Variants in RHPN2 observed in about 807,000 individuals in gnomAD.
The protein encoded by RHPN2 is rhophilin-2.
RHPN2 carries 40 observed loss-of-function variants against 79.0 expected under a neutral mutation model. The ratio of observed to expected loss-of-function variants is 0.51; its 90% CI spans 0.39 to 0.66. The LOEUF (loss-of-function observed/expected upper bound fraction) is 0.66, where lower values mean the gene tolerates loss of function less well. RHPN2 is among the 30% of genes least tolerant of loss of function. The pLI is 0.00. For missense variants in RHPN2, 686 were observed against 883.5 expected (o/e 0.78, Z 2.83); for synonymous variants, 285 against 363.5 (o/e 0.78, Z 2.46).
intron 10 of RHPN2, among the ~76,000 whole-genome samples, chr19:32,998,466 G>A (rs1285941181): frequency 6.6e-6 from 1 of 151,956 alleles, no homozygotes; most frequent in East Asian, 1.9e-4. Context: ...AACATAGTGA[G>A]ACCGCATCTC....
chr19:33,003,245 C>G (rs1248044945), intron 7 of RHPN2, among the ~76,000 whole-genome samples: 1 of 150,744 alleles, frequency 6.6e-6, no homozygotes, highest in Admixed American at 6.7e-5. Flanking sequence ...ATAGTCTCAG[C>G]TCCTCTGGAG....
In RHPN2 at chr19:32,985,820, C is replaced by A. The variant is rs377004946; in HGVS notation, c.1800+4694G>T. Among the ~76,000 whole-genome samples the A allele has an allele frequency of 8.5e-5, 13 of 152,250 alleles. No individual in the cohort carries two copies. The East Asian group carries it at 2.1e-3, about 25-fold the overall frequency. ...CTAATTTTTGTATTTTTAGTAGAGA[C>A]AGGGTTTTGCCACGGTGGCCAGGAT... On this transcript the variant is annotated intron_variant, in intron 14 of 14. Coordinates refer to ENST00000254260, the MANE Select transcript of RHPN2 (RefSeq NM_033103.5).
At chr19:33,064,169 C>T (rs1457348883) in intron 1 of RHPN2, among the ~76,000 whole-genome samples, 1 of 151,956 alleles carries the variant, frequency 6.6e-6, no homozygotes, top group Non-Finnish European at 1.5e-5. Context: ...CACAGCGATA[C>T]CCCAGTTCTA....
chr19:33,053,759 T>TGGCCAGG (rs1972208906), intron 1 of RHPN2, among the ~76,000 whole-genome samples: 1 of 152,002 alleles, frequency 6.6e-6, no homozygotes, highest in African/African-American at 2.4e-5. Flanking sequence ...GAGACGTGGT[T>TGGCCAGG]TCACCATGTT....
chr19:32,992,904 T>G (rs6510316), intron 12 of RHPN2, among the ~76,000 whole-genome samples: 120,565 of 150,512 alleles, frequency 0.8, 48,863 homozygotes, highest in African/African-American at 0.95. Flanking sequence ...TAGGCAGGAG[T>G]ATGGTTTGAG....
chr19:33,045,411 C>T (rs1328371364), intron 1 of RHPN2, among the ~76,000 whole-genome samples: 1 of 151,730 alleles, frequency 6.6e-6, no homozygotes, highest in African/African-American at 2.4e-5. Context: ...ATACGTTTTG[C>T]CCTTTTAAAA....
intron 2 of RHPN2, among the ~76,000 whole-genome samples, chr19:33,032,108 C>T (rs1972018366): frequency 6.7e-6 from 1 of 148,660 alleles, no homozygotes; most frequent in South Asian, 2.1e-4. Context: ...GCAACCTCCA[C>T]CTCCCAGGTT....
intron 1 of RHPN2, among the ~76,000 whole-genome samples, chr19:33,059,035 C>T (rs1336175188): frequency 6.6e-6 from 1 of 151,790 alleles, no homozygotes; most frequent in African/African-American, 2.4e-5. Flanking sequence ...GTGAAGGTTG[C>T]GGGGAGCTGA....
intron 4 of RHPN2, among the ~76,000 whole-genome samples, chr19:33,013,460 G>A (rs562079401): frequency 6.6e-6 from 1 of 152,254 alleles, no homozygotes; most frequent in African/African-American, 2.4e-5. Flanking sequence ...CTCCCAAAGT[G>A]CTGGGATTAC....
Position 33,026,510 on chromosome 19 carries a change from TTC to T in RHPN2, c.306_307del (p.Asn103HisfsTer36), listed in dbSNP as rs1491520475. The T allele has an allele frequency of 1.3e-6, 2 of 1,586,070 alleles. No homozygotes were observed. The highest frequency in any genetic ancestry group is 1.7e-6 in the Non-Finnish European group (2 of 1,170,282). On this transcript the variant is annotated frameshift_variant, in exon 3 of 15. Transcript: ENST00000254260. LOFTEE classifies it high-confidence loss of function. Reference sequence around the variant, plus strand: ...GTGTGCTGCTCCCACTTACTCTGTGTTCTGATAGACGCCCACCGAGATGTTCA... The same window carrying T: ...GTGTGCTGCTCCCACTTACTCTGTGTTGATAGACGCCCACCGAGATGTTCA...
intron 14 of RHPN2, among the ~76,000 whole-genome samples, chr19:32,982,643 C>G (rs1014851862): frequency 3.3e-5 from 5 of 151,994 alleles, no homozygotes; most frequent in African/African-American, 4.8e-5. Context: ...TTTCCCAACC[C>G]TCAGCTGCTC....
chr19:33,054,295 G>A (rs1972214159), intron 1 of RHPN2, among the ~76,000 whole-genome samples: 4 of 150,838 alleles, frequency 2.7e-5, no homozygotes, highest in African/African-American at 9.8e-5. Flanking sequence ...CCACCTCCGA[G>A]GTTCAAGCGA....
At position 33,062,368 on chromosome 19, in the gene RHPN2, G is replaced by A. The variant is rs559963482; in HGVS notation, c.69+2416C>T. 8.6e-5 allele frequency among the ~76,000 whole-genome samples: 13 copies of A among 152,000 alleles called. 1 individual carries two copies. The East Asian group carries it at 2.5e-3, about 29-fold the overall frequency. On this transcript the variant is annotated intron_variant, in intron 1 of 14. Coordinates refer to ENST00000254260, the MANE Select transcript of RHPN2 (RefSeq NM_033103.5). Reference sequence around the variant, plus strand: ...TCTCAGCTACTGGGAAGGCTGAGGCGGGAGAATCACTTGAAACTGGTAGAT... The same window carrying A: ...TCTCAGCTACTGGGAAGGCTGAGGCAGGAGAATCACTTGAAACTGGTAGAT...
intron 13 of RHPN2, chr19:32,991,354 C>T: frequency 4.6e-6 from 1 of 218,624 alleles, no homozygotes; most frequent in Non-Finnish European, 9.2e-6. Context: ...AGCTACTCAG[C>T]AGCCTGAGGC....
chr19:33,048,716 A>C (rs958733173), intron 1 of RHPN2, among the ~76,000 whole-genome samples: 21 of 129,614 alleles, frequency 1.6e-4, no homozygotes. Context: ...ACACAGCGAG[A>C]CTCAGTCTCA....
chr19:33,002,787 A>G (rs1971760204), intron 8 of RHPN2, 26 bp downstream of exon 8: 2 of 1,603,636 alleles, frequency 1.2e-6, no homozygotes, highest in Non-Finnish European at 1.7e-6. Flanking sequence ...CCACTCCCCA[A>G]AGTCACAGGA....
At position 33,036,870 on chromosome 19, in the gene RHPN2, G is replaced by GCCCCCCCC. The variant is rs199550754; in HGVS notation, c.185+7378_185+7379insGGGGGGGG. 6.2e-4 allele frequency among the ~76,000 whole-genome samples: 87 copies of GCCCCCCCC among 141,264 alleles called. 1 individual carries two copies. Among genetic ancestry groups the GCCCCCCCC allele is most frequent in the African/African-American group, 2.3e-3 (83 of 35,334 alleles). 92.7% of individuals were successfully genotyped at this position (141,264 alleles called of 152,430 possible). A position where few individuals can be genotyped will look rare whatever the true frequency, so the allele number is the denominator to read the frequency against. On this transcript the variant is annotated intron_variant, in intron 2 of 14. Coordinates refer to ENST00000254260, the MANE Select transcript of RHPN2 (RefSeq NM_033103.5). ...AGCACCTGTAGCCCGCCATGCCTGA[G>GCCCCCCCC]CCCCCCCGCCACCCTCTGTGGGCTC... is the stretch of plus-strand genomic sequence containing the variant.
At chr19:33,000,219 T>C (rs541853727) in intron 9 of RHPN2, among the ~76,000 whole-genome samples, 4 of 84,940 alleles carry the variant, frequency 4.7e-5, no homozygotes, top group Admixed American at 1.2e-4. Context: ...CAGAGGTTCA[T>C]AATTTTTTTT....
At chr19:32,987,406 CA>C (rs1260332926) in intron 14 of RHPN2, among the ~76,000 whole-genome samples, 4 of 152,284 alleles carry the variant, frequency 2.6e-5, no homozygotes, top group African/African-American at 9.6e-5. Flanking sequence ...GGCCCTCTCT[CA>C]ACTGACTTCT....
Sources: gnomAD v4.1 joint callset for allele counts (sites outside exome capture counted in the v4.1 genomes callset) on GRCh38, gnomAD v4.1.1 for gene constraint, MANE v1.5 for transcripts, NCBI Gene and HGNC (gene_info 2026-07-23, HGNC 2026-07-21) for gene names.